Variants in PCDHA1 observed in about 807,000 individuals in gnomAD.
The protein encoded by PCDHA1 is protocadherin alpha 1.
A neutral mutation model predicts 61.3 loss-of-function variants in PCDHA1; 42 were observed. That is an observed-to-expected ratio of 0.69 (90% confidence interval 0.54 to 0.89). The LOEUF (loss-of-function observed/expected upper bound fraction) is 0.89. Among genes scored for constraint, PCDHA1 ranks in the 40% least tolerant of loss-of-function variants. The pLI is 0.00. For missense variants in PCDHA1, 1,256 were observed against 1,235.3 expected (o/e 1.02, Z -0.25); for synonymous variants, 610 against 553.8 (o/e 1.10, Z -1.43).
chr5:140,813,314 A>G (rs2126645586), intron 1 of PCDHA1: 7 of 152,222 alleles, frequency 4.6e-5, no homozygotes, highest in Non-Finnish European at 4.4e-5. Flanking sequence ...CTGTGCAAAC[A>G]TGAGAGTGTA....
intron 1 of PCDHA1, chr5:140,969,293 C>T: frequency 6.2e-7 from 1 of 1,614,188 alleles, no homozygotes; most frequent in Admixed American, 1.7e-5. Flanking sequence ...TGCTGGGAAC[C>T]TGATTATTCT....
intron 1 of PCDHA1, chr5:140,927,568 A>G: frequency 1.9e-6 from 3 of 1,614,174 alleles, no homozygotes; most frequent in Non-Finnish European, 2.5e-6. Context: ...TGTGGTGGAC[A>G]CAAATGACAA....
At chr5:140,810,122 T>G (rs1554125423) in intron 1 of PCDHA1, 1 of 152,484 alleles carries the variant, frequency 6.6e-6, no homozygotes, top group Non-Finnish European at 1.5e-5. Context: ...TTGTGTGTTA[T>G]TTGTATTTAT....
intron 1 of PCDHA1, chr5:140,856,675 G>T (rs782417357): frequency 6.3e-7 from 1 of 1,597,790 alleles, no homozygotes; most frequent in South Asian, 1.1e-5. Context: ...AGCTAAAGTT[G>T]TTGTTGACAG....
At chr5:140,802,972 C>T (rs1554122491) in intron 1 of PCDHA1, 4 of 1,613,864 alleles carry the variant, frequency 2.5e-6, no homozygotes, top group African/African-American at 2.7e-5. Flanking sequence ...CACGTGGTAG[C>T]GAAGGTGCGC....
At chr5:140,877,697 C>A in intron 1 of PCDHA1, 2 of 1,613,912 alleles carry the variant, frequency 1.2e-6, no homozygotes, top group Non-Finnish European at 1.7e-6. Context: ...CTGGTGTGCT[C>A]CAGCGCCGTG....
At chr5:140,873,162 G>A (rs782467879) in intron 1 of PCDHA1, among the ~76,000 whole-genome samples, 21 of 152,108 alleles carry the variant, frequency 1.4e-4, no homozygotes, top group Non-Finnish European at 2.2e-4. Flanking sequence ...ACTTTAGATC[G>A]AGAGCTTTTG....
chr5:140,871,017 G>C, intron 1 of PCDHA1: 2 of 1,613,298 alleles, frequency 1.2e-6, no homozygotes, highest in Non-Finnish European at 8.5e-7. Flanking sequence ...CCCTGGACGA[G>C]GCAGACTCGC....
At chr5:140,942,851 G>T (rs1211748532) in intron 1 of PCDHA1, among the ~76,000 whole-genome samples, 2 of 151,980 alleles carry the variant, frequency 1.3e-5, no homozygotes, top group Non-Finnish European at 2.9e-5. Flanking sequence ...CCAGTAAGAT[G>T]ATTATTTTGC....
intron 1 of PCDHA1, chr5:140,857,093 G>T (rs1554149523): frequency 6.3e-7 from 1 of 1,597,336 alleles, no homozygotes; most frequent in Admixed American, 1.7e-5. Flanking sequence ...TTCACCTGAG[G>T]TGATTGTCAC....
intron 1 of PCDHA1, chr5:140,863,859 G>A (rs1448688968): frequency 1.7e-5 from 3 of 176,552 alleles, no homozygotes; most frequent in African/African-American, 4.8e-5. Flanking sequence ...AAATTAGCTG[G>A]GTGTGGTGGT....
Position 140,803,182 on chromosome 5 carries a change from C to T in PCDHA1, c.2394+14498C>T, listed in dbSNP as rs17844261. Reference sequence around the variant, plus strand: ...CACGGTGAACCCTCATTGACCGCCACGGCCACTGTGCTGGTGTCGCTGGTG... The same window carrying T: ...CACGGTGAACCCTCATTGACCGCCATGGCCACTGTGCTGGTGTCGCTGGTG... On this transcript the variant is annotated intron_variant, in intron 1 of 3. Coordinates refer to ENST00000504120, the MANE Select transcript of PCDHA1 (RefSeq NM_018900.4). The T allele has an allele frequency of 2.7e-4, 440 of 1,613,916 alleles. 3 individuals carry two copies. In the East Asian group the frequency reaches 9.4e-3, roughly 34 times the overall value.
intron 1 of PCDHA1, chr5:140,869,294 T>C: frequency 1.9e-6 from 3 of 1,613,634 alleles, no homozygotes; most frequent in Non-Finnish European, 1.7e-6. Flanking sequence ...CAGCGCCTGT[T>C]CCGGGTGGCG....
At chr5:140,884,621 G>C (rs116377419) in intron 1 of PCDHA1, 2 of 1,613,996 alleles carry the variant, frequency 1.2e-6, no homozygotes, top group South Asian at 2.2e-5. Context: ...TTCTGCAGAG[G>C]GAACAGGCCA....
intron 1 of PCDHA1, among the ~76,000 whole-genome samples, chr5:140,881,688 T>C (rs2153380887): frequency 6.6e-6 from 1 of 152,368 alleles, no homozygotes; most frequent in Middle Eastern, 3.4e-3. Flanking sequence ...TATGTTTCCT[T>C]TTGGAGTCAA....
At chr5:140,796,665 G>A (rs1554120033) in intron 1 of PCDHA1, 2 of 1,613,736 alleles carry the variant, frequency 1.2e-6, no homozygotes, top group African/African-American at 2.7e-5. Context: ...CACTGTTGGC[G>A]CCTAGGGCTG....
rs1581182642 is a variant in PCDHA1 at position 140,849,406 on chromosome 5, T to A, written c.2394+60722T>A. ...GACCCCTTAAGTGGGGCAATCACAG[T>A]GATAGGACATATGGATTTTGAAGAA... On this transcript the variant is annotated intron_variant, in intron 1 of 3. Transcript: ENST00000504120. 1.3e-5 allele frequency: 20 copies of A among 1,558,610 alleles called. 3 individuals carry two copies. The highest frequency in any genetic ancestry group is 7.2e-5 in the African/African-American group (5 of 69,302).
At chr5:140,907,847 C>T (rs1332235262) in intron 1 of PCDHA1, among the ~76,000 whole-genome samples, 15 of 152,232 alleles carry the variant, frequency 9.9e-5, no homozygotes, top group African/African-American at 3.6e-4. Flanking sequence ...TAAAATCCTC[C>T]TCTGCTGAGG....
chr5:140,809,101 C>T (rs781864694), intron 1 of PCDHA1: 13 of 1,613,836 alleles, frequency 8.1e-6, no homozygotes, highest in Non-Finnish European at 1.1e-5. Context: ...GTGCCCTGGA[C>T]GAAACGGACG....
Sources: allele counts gnomAD v4.1 joint callset (sites outside exome capture counted in the v4.1 genomes callset), GRCh38; gene constraint gnomAD v4.1.1; transcripts MANE v1.5; gene names NCBI Gene and HGNC (gene_info 2026-07-23, HGNC 2026-07-21).